The following C4orf51 variants were observed in gnomAD, a reference collection of about 807,000 sequenced individuals.
C4orf51 encodes the protein chromosome 4 open reading frame 51, also known as uncharacterized protein C4orf51.
In C4orf51, 25 loss-of-function variants were observed where a neutral mutation model predicts 25.2. The observed-to-expected ratio is 0.99, with a 90% CI of 0.72 to 1.39. The LOEUF (loss-of-function observed/expected upper bound fraction) is 1.39. C4orf51 is among the 40% of genes most tolerant of loss of function. The pLI is 0.00. For missense variants in C4orf51, 252 were observed against 239.6 expected (o/e 1.05, Z -0.34); for synonymous variants, 100 against 84.5 (o/e 1.18, Z -1.01).
At chr4:145,760,743 T>TTG in intron 1 of C4orf51, 1 of 1,030,710 alleles carries the variant, frequency 9.7e-7, no homozygotes, top group Non-Finnish European at 1.2e-6. Flanking sequence ...TTTTTGTCTT[T>TTG]TGTCTCTCTG....
chr4:145,694,667 C>T (rs112641268), intron 1 of C4orf51, among the ~76,000 whole-genome samples: 10,241 of 108,912 alleles, frequency 0.094, 593 homozygotes, highest in South Asian at 0.13. Flanking sequence ...GCCCTCCGCC[C>T]GGCCAGCCGC....
downstream of C4orf51, among the ~76,000 whole-genome samples, chr4:145,771,267 A>T (rs1051428998): frequency 6.6e-6 from 1 of 151,928 alleles, no homozygotes; most frequent in East Asian, 1.9e-4. Flanking sequence ...TATGTGTCAG[A>T]TCTCTCGATT....
the C4orf51 span, among the ~76,000 whole-genome samples, chr4:145,778,678 T>C: frequency 6.6e-6 from 1 of 152,242 alleles, no homozygotes; most frequent in Admixed American, 6.5e-5. Context: ...TTAAATTTTG[T>C]GTGATGTACG....
chr4:145,764,803 ACACCCTAGGGGGACAGGTCTAATTCAATC>A (rs1735028716), intron 1 of C4orf51: 2 of 724,184 alleles, frequency 2.8e-6, no homozygotes, highest in South Asian at 3.5e-5. Context: ...ACATCTGTTG[ACACCCTAGGGGGACAGGTCTAATTCAATC>A]CAGCTAAAGG....
chr4:145,726,405 T>C (rs555386081), intron 2 of C4orf51, among the ~76,000 whole-genome samples: 1 of 152,278 alleles, frequency 6.6e-6, no homozygotes, highest in Non-Finnish European at 1.5e-5. Flanking sequence ...CACAATAAAC[T>C]ATTGGGCTTT....
At chr4:145,746,753 T>C (rs1733393195) in intron 1 of C4orf51, among the ~76,000 whole-genome samples, 1 of 151,886 alleles carries the variant, frequency 6.6e-6, no homozygotes, top group Non-Finnish European at 1.5e-5. Context: ...CTTTGAAGAG[T>C]GCTGTTGGTA....
chr4:145,698,310 G>A (rs1488131778), intron 2 of C4orf51, among the ~76,000 whole-genome samples: 1 of 152,200 alleles, frequency 6.6e-6, no homozygotes, highest in Non-Finnish European at 1.5e-5. Flanking sequence ...ATATGCCCAA[G>A]GTTAGGGTAG....
intron 2 of C4orf51, among the ~76,000 whole-genome samples, chr4:145,699,132 C>T (rs1730268025): frequency 6.6e-6 from 1 of 151,774 alleles, no homozygotes; most frequent in Non-Finnish European, 1.5e-5. Context: ...CTTTACCCAC[C>T]CAAATCATAT....
rs767869434 is a variant in C4orf51, at chr4:145,732,604, A to G, written c.*44A>G. ...AAGGCTGGAGGCGTGGAGTTTGCTT[A>G]ATAAACAACTTTGAGGTATGGGGCC... On this transcript the variant is annotated 3_prime_UTR_variant, in exon 6 of 6. Coordinates refer to ENST00000438731, the MANE Select transcript of C4orf51 (RefSeq NM_001080531.3). 32 of 1,419,396 alleles carry G rather than the reference A, an allele frequency of 2.3e-5. No homozygotes were observed. The highest frequency in any genetic ancestry group is 3.1e-5 in the Non-Finnish European group (32 of 1,018,968). 87.9% of individuals were successfully genotyped at this position (1,419,396 alleles called of 1,614,324 possible).
intron 1 of C4orf51, among the ~76,000 whole-genome samples, chr4:145,694,272 C>T (rs1404466039): frequency 2.1e-5 from 3 of 142,408 alleles, no homozygotes; most frequent in East Asian, 2.2e-4. Flanking sequence ...AGACGCTCCT[C>T]ACTTTCCAGA....
downstream of C4orf51, chr4:145,774,557 C>T (rs149612560): frequency 8.2e-5 from 133 of 1,612,628 alleles, no homozygotes; most frequent in Middle Eastern, 5.0e-4. Flanking sequence ...TCCATGGTGA[C>T]GAAGTCGCAG....
At chr4:145,719,588 C>CAAAAAAAA (rs57272346) in intron 2 of C4orf51, among the ~76,000 whole-genome samples, 1 of 90,162 alleles carries the variant, frequency 1.1e-5, no homozygotes, top group African/African-American at 4.0e-5. Context: ...GACTCTGTCT[C>CAAAAAAAA]AAAAAAAAAA....
rs1729549790 is a variant in C4orf51, at chr4:145,691,361, C to CA, written c.234-5197dup. On this transcript the variant is annotated intron_variant, in intron 1 of 5. Coordinates refer to ENST00000438731, the MANE Select transcript of C4orf51 (RefSeq NM_001080531.3). ...CTGTTGGTGGGAATGTAAATTAGTT[C>CA]AGCTCCTGTGGAAAGTAGTTTGGAG... Among the ~76,000 whole-genome samples, 3 of 152,288 alleles carry CA rather than the reference C, an allele frequency of 2.0e-5. No individual in the cohort carries two copies. The South Asian group carries it at 6.2e-4, about 32-fold the overall frequency.
Position 145,699,065 on chromosome 4 carries a change from C to T in C4orf51, c.307+2433C>T, listed in dbSNP as rs142771997. On this transcript the variant is annotated intron_variant, in intron 2 of 5. Transcript: ENST00000438731. ...GCTCAAATAGCACCCCCATTGAGCA[C>T]CTTGCAACCCCCACTCCTGCCCGCC... Among the ~76,000 whole-genome samples the T allele has an allele frequency of 4.9e-3, 744 of 151,468 alleles. 7 individuals are homozygous for T. Among genetic ancestry groups the T allele is most frequent in the Admixed American group, 8.2e-3 (124 of 15,184 alleles).
At chr4:145,708,044 T>C (rs1044736691) in intron 2 of C4orf51, among the ~76,000 whole-genome samples, 3 of 152,220 alleles carry the variant, frequency 2.0e-5, no homozygotes, top group East Asian at 1.9e-4. Flanking sequence ...TTTTATCCCA[T>C]TGGGGCAGTG....
downstream of C4orf51, among the ~76,000 whole-genome samples, chr4:145,773,203 C>T (rs565702416): frequency 7.1e-4 from 108 of 152,334 alleles, 2 homozygotes; most frequent in African/African-American, 2.5e-3. Context: ...TTTAATTTGT[C>T]TTCAACATGG....
At chr4:145,787,103 A>C in the C4orf51 span, among the ~76,000 whole-genome samples, 3 of 152,154 alleles carry the variant, frequency 2.0e-5, no homozygotes. Context: ...GGACCATTAC[A>C]CTCACCCAAA....
chr4:145,723,863 A>G (rs1194770012), intron 2 of C4orf51, among the ~76,000 whole-genome samples: 1 of 152,194 alleles, frequency 6.6e-6, no homozygotes, highest in Non-Finnish European at 1.5e-5. Context: ...GTGACCTCGC[A>G]AAGAAAAGTC....
downstream of C4orf51, among the ~76,000 whole-genome samples, chr4:145,756,127 A>G (rs1244411405): frequency 6.6e-6 from 1 of 152,102 alleles, no homozygotes; most frequent in Non-Finnish European, 1.5e-5. Flanking sequence ...CAGGGGTTCT[A>G]CTGTGGTGTT....
Sources: gnomAD v4.1 joint callset for allele counts (sites outside exome capture counted in the v4.1 genomes callset) on GRCh38, gnomAD v4.1.1 for gene constraint, MANE v1.5 for transcripts, NCBI Gene and HGNC (gene_info 2026-07-23, HGNC 2026-07-21) for gene names.